DHRS4L2: variants seen among roughly 807,000 people sequenced by gnomAD.
DHRS4L2 encodes the protein dehydrogenase/reductase 4 like 2.
Under a neutral mutation model 23.9 loss-of-function variants are expected in DHRS4L2, and 22 were observed. That is an observed-to-expected ratio of 0.92 (90% CI 0.66 to 1.31). The LOEUF (loss-of-function observed/expected upper bound fraction) is 1.31, where lower values mean the gene tolerates loss of function less well. Among genes scored for constraint, DHRS4L2 ranks in the 40% most tolerant of loss-of-function variants. DHRS4L2 has a pLI of 0.00. For synonymous variants in DHRS4L2, 141 were observed against 123.7 expected (o/e 1.14, Z -0.93); for missense variants, 385 against 303.3 (o/e 1.27, Z -2.00).
intron 3 of DHRS4L2, among the ~76,000 whole-genome samples, chr14:23,996,800 C>T (rs1414630134): frequency 1.3e-5 from 2 of 151,806 alleles, no homozygotes; most frequent in South Asian, 4.2e-4. Context: ...GCCATCATGC[C>T]TGGCTAATTT....
chr14:24,001,114 C>G, intron 5 of DHRS4L2, 30 bp downstream of exon 5: 4 of 1,610,126 alleles, frequency 2.5e-6, no homozygotes, highest in Non-Finnish European at 3.4e-6. Context: ...CCTCTTCCAT[C>G]CCACCCTCCA....
At chr14:24,005,848 T>A in intron 7 of DHRS4L2, 38 bp from the exon 8 acceptor site, 2 of 1,609,606 alleles carry the variant, frequency 1.2e-6, no homozygotes, top group Non-Finnish European at 1.7e-6. Flanking sequence ...CAGACCCGTT[T>A]GATTTTTACC....
upstream of DHRS4L2, among the ~76,000 whole-genome samples, chr14:23,984,805 C>CAA (rs568852943): frequency 0.094 from 6,280 of 67,038 alleles, 430 homozygotes; most frequent in East Asian, 0.14. Flanking sequence ...GATGCCATCT[C>CAA]AAAAAAAAAA....
At chr14:23,969,895 C>T (rs1392433183) in exon 1 of DHRS4L2, 10 of 425,948 alleles carry the variant, frequency 2.3e-5, no homozygotes, top group Middle Eastern at 7.4e-4. Flanking sequence ...GGCAGCTCTC[C>T]GGGCCGGCGT....
intron 3 of DHRS4L2, among the ~76,000 whole-genome samples, chr14:23,996,504 A>G (rs1566498423): frequency 6.6e-6 from 1 of 150,652 alleles, no homozygotes; most frequent in Non-Finnish European, 1.5e-5. Flanking sequence ...TGACAACAAA[A>G]CCTTCCTTCT....
intron 1 of DHRS4L2, among the ~76,000 whole-genome samples, chr14:23,981,906 T>C (rs112764228): frequency 0.019 from 2,877 of 151,874 alleles, 124 homozygotes; most frequent in African/African-American, 0.062. Flanking sequence ...TCTCACCTCC[T>C]GCCACAGGGT....
intron 1 of DHRS4L2, among the ~76,000 whole-genome samples, chr14:23,982,450 A>T (rs1467759901): frequency 6.6e-6 from 1 of 151,600 alleles, no homozygotes; most frequent in Admixed American, 6.6e-5. Flanking sequence ...TTTTCTACAT[A>T]GACACAGTAA....
In DHRS4L2 at chr14:24,000,716, C is replaced by G. The variant is rs953468291; in HGVS notation, c.409-147C>G. ...AGCTACTTCTCCCTGAACCTCAGTT[C>G]CTTCATGTGTAAGATGCAGGTATAT... On this transcript the variant is annotated intron_variant, in intron 3 of 7. Transcript: ENST00000335125. The G allele has an allele frequency of 8.0e-4, 633 of 793,588 alleles. 9 individuals carry two copies. The highest frequency in any genetic ancestry group is 1.1e-3 in the Non-Finnish European group (556 of 496,576). The allele number at this position is 793,588 out of a possible 1,614,324, so 49.2% of individuals were successfully genotyped here.
intron 5 of DHRS4L2, 79 bp downstream of exon 5, chr14:24,001,163 T>C: frequency 6.2e-7 from 1 of 1,607,862 alleles, no homozygotes. Context: ...CCAAAGAAGT[T>C]TGTGTCCCCT....
chr14:24,005,821 G>C, intron 7 of DHRS4L2, 65 bp from the exon 8 acceptor site: 1 of 1,593,018 alleles, frequency 6.3e-7, no homozygotes, highest in East Asian at 2.3e-5. Flanking sequence ...AACTCCCCGT[G>C]TCCCAGGTGA....
intron 2 of DHRS4L2, among the ~76,000 whole-genome samples, chr14:23,994,125 T>C (rs1296137113): frequency 6.6e-6 from 1 of 151,832 alleles, no homozygotes; most frequent in Admixed American, 6.6e-5. Flanking sequence ...CCAGGGTAAC[T>C]TTCTTCAGCT....
chr14:23,992,504 T>C (rs2034290529), intron 2 of DHRS4L2, among the ~76,000 whole-genome samples: 1 of 151,348 alleles, frequency 6.6e-6, no homozygotes, highest in Non-Finnish European at 1.5e-5. Flanking sequence ...TACTACCCAG[T>C]GGCCTCCTCA....
intron 1 of DHRS4L2, among the ~76,000 whole-genome samples, chr14:23,977,955 T>A (rs2033998293): frequency 6.6e-6 from 1 of 151,626 alleles, no homozygotes; most frequent in Non-Finnish European, 1.5e-5. Context: ...TGCTAAACAC[T>A]CCTCTCTCTC....
intron 1 of DHRS4L2, among the ~76,000 whole-genome samples, chr14:23,972,823 C>T (rs944294364): frequency 2.0e-5 from 3 of 151,718 alleles, no homozygotes; most frequent in African/African-American, 4.9e-5. Flanking sequence ...AGGAGAAGGT[C>T]AGCAACAAAC....
At chr14:23,971,297 G>C (rs2033853795) in intron 1 of DHRS4L2, among the ~76,000 whole-genome samples, 1 of 152,014 alleles carries the variant, frequency 6.6e-6, no homozygotes. Context: ...AGAATGTAGA[G>C]AAGAGCTTAA....
intron 2 of DHRS4L2, among the ~76,000 whole-genome samples, chr14:23,993,852 G>T (rs993302702): frequency 1.3e-5 from 2 of 151,526 alleles, no homozygotes; most frequent in African/African-American, 4.8e-5. Flanking sequence ...GTTTACTAAT[G>T]ACCCCAACTC....
intron 5 of DHRS4L2, 143 bp from the exon 6 acceptor site, chr14:24,001,241 G>T (rs2138559909): frequency 3.2e-6 from 5 of 1,571,700 alleles, no homozygotes; most frequent in Middle Eastern, 3.7e-4. Flanking sequence ...CATAACCTAG[G>T]GGAGGTTTAG....
intron 1 of DHRS4L2, among the ~76,000 whole-genome samples, chr14:23,982,791 A>G (rs1018533598): frequency 1.3e-5 from 2 of 151,566 alleles, no homozygotes; most frequent in Non-Finnish European, 2.9e-5. Flanking sequence ...TACACCTTAT[A>G]CAAAAAAACT....
At chr14:23,988,847 AG>A, upstream of DHRS4L2, 1 of 1,470,006 alleles carries the variant, frequency 6.8e-7, no homozygotes, top group Non-Finnish European at 9.0e-7. Flanking sequence ...GAGGGCGGGA[AG>A]GGGGCAGGCA....
Sources: allele counts gnomAD v4.1 joint callset (sites outside exome capture counted in the v4.1 genomes callset), GRCh38; gene constraint gnomAD v4.1.1; transcripts MANE v1.5; gene names NCBI Gene and HGNC (gene_info 2026-07-23, HGNC 2026-07-21).